Variants in EPHA7 observed in about 807,000 individuals in gnomAD.
EPHA7 encodes the protein EPH receptor A7.
Under a neutral mutation model 112.6 loss-of-function variants are expected in EPHA7, and 25 were observed. The observed-to-expected ratio is 0.22, with a 90% CI of 0.16 to 0.31. The LOEUF is 0.31. EPHA7 is among the 10% of genes least tolerant of loss of function. The pLI is 1.00. For synonymous variants in EPHA7, 437 were observed against 406.5 expected, an observed-to-expected ratio of 1.07 and a Z score of -0.90; for missense variants, 962 against 1,212.6, an observed-to-expected ratio of 0.79 and a Z score of 3.07.
chr6:93,414,675 G>C (rs1779138794), intron 2 of EPHA7, 28 bp downstream of exon 2: 1 of 1,555,782 alleles, frequency 6.4e-7, no homozygotes, highest in South Asian at 1.1e-5. Flanking sequence ...TTTTAAAAAA[G>C]TGATATTTTA....
rs546849727 is a variant in EPHA7, at chr6:93,273,693, T to C, written c.1325-1271A>G. On this transcript the variant is annotated intron_variant, in intron 5 of 16. Coordinates refer to ENST00000369303, the MANE Select transcript of EPHA7 (RefSeq NM_004440.4). ...GCTGAAGTACTCAACAAACTGTGTTTACAGTCTAAATGCATTTCTGATATA... is the reference window on the plus strand; with the variant it reads ...GCTGAAGTACTCAACAAACTGTGTTCACAGTCTAAATGCATTTCTGATATA... Among the ~76,000 whole-genome samples, 31 of 152,098 alleles carry C rather than the reference T, an allele frequency of 2.0e-4. No homozygotes were observed. In the South Asian group the frequency reaches 3.1e-3, roughly 15 times the overall value.
intron 5 of EPHA7, among the ~76,000 whole-genome samples, chr6:93,342,231 T>A (rs1402654680): frequency 6.6e-6 from 1 of 151,880 alleles, no homozygotes. Flanking sequence ...TTTCCTCTTT[T>A]TAAAACTCTG....
chr6:93,342,445 T>C (rs1486443808), intron 5 of EPHA7, among the ~76,000 whole-genome samples: 1 of 151,934 alleles, frequency 6.6e-6, no homozygotes, highest in South Asian at 2.1e-4. Context: ...GCTCATACTA[T>C]AATGGAGATT....
chr6:93,296,452 TAA>T (rs1445699499), intron 5 of EPHA7, among the ~76,000 whole-genome samples: 3 of 136,150 alleles, frequency 2.2e-5, no homozygotes, highest in Non-Finnish European at 4.6e-5. Context: ...AATATATATA[TAA>T]ATATATATAT....
chr6:93,318,469 G>T (rs2127878965), intron 5 of EPHA7, among the ~76,000 whole-genome samples: 1 of 152,072 alleles, frequency 6.6e-6, no homozygotes, highest in Non-Finnish European at 1.5e-5. Flanking sequence ...CATGAGAAAT[G>T]AGAAAAAGAC....
At chr6:93,362,128 G>C (rs902727785) in intron 3 of EPHA7, among the ~76,000 whole-genome samples, 4 of 151,810 alleles carry the variant, frequency 2.6e-5, no homozygotes, top group African/African-American at 9.7e-5. Context: ...AATAAAATAA[G>C]CTCATTATCC....
Position 93,255,922 on chromosome 6 carries a change from T to C in EPHA7, c.2288A>G (p.Asn763Ser), listed in dbSNP as rs1472053844. ...GYVHRDLAAR[N>S]ILVNSNLVCK... is the part of the protein sequence containing the mutation. ...AACGAGATTGCTGTTGACAAGAATATTGCGAGCTGCAAGGTCCCTGTGAAC... is the reference window on the plus strand; with the variant it reads ...AACGAGATTGCTGTTGACAAGAATACTGCGAGCTGCAAGGTCCCTGTGAAC... Residue 763 changes from asparagine (N) to serine (S), a missense_variant, in exon 13 of 17, where the codon AAT (asparagine) becomes AGT (serine). By Grantham distance (46) the Asn-to-Ser change is conservative. Transcript: ENST00000369303. The C allele has an allele frequency of 1.2e-6, 2 of 1,614,068 alleles. No individual in the cohort carries two copies. The highest frequency in any genetic ancestry group is 2.2e-5 in the East Asian group (1 of 44,858).
chr6:93,312,843 C>A (rs931611435), intron 5 of EPHA7, among the ~76,000 whole-genome samples: 32 of 152,074 alleles, frequency 2.1e-4, no homozygotes, highest in Non-Finnish European at 3.1e-4. Context: ...TATTAAATGG[C>A]TTAATTTTAA....
rs1315047244 is a variant in EPHA7, at chr6:93,269,508, T to A, written c.1602A>T (p.Thr534=). Residue 534 remains threonine, a synonymous_variant, in exon 7 of 17, where the codon ACA becomes ACT. Transcript: ENST00000369303. The part of the protein sequence containing the change: ...GNYSPRLDVA[T]LEEATGKMFE... ...ACATTTTACCTGTAGCTTCCTCTAGTGTAGCAACATCAAGTCTGGGACTGT... is the reference window on the plus strand; with the variant it reads ...ACATTTTACCTGTAGCTTCCTCTAGAGTAGCAACATCAAGTCTGGGACTGT... 1.9e-6 allele frequency: 3 copies of A among 1,611,182 alleles called. No individual in the cohort carries two copies. In the East Asian group the frequency reaches 6.7e-5, roughly 36 times the overall value.
intron 3 of EPHA7, among the ~76,000 whole-genome samples, chr6:93,375,021 C>G (rs1776983041): frequency 2.0e-5 from 3 of 151,902 alleles, no homozygotes; most frequent in African/African-American, 7.3e-5. Flanking sequence ...TTATATAAAC[C>G]ATGTAACTAA....
chr6:93,332,570 T>A (rs1293582350), intron 5 of EPHA7, among the ~76,000 whole-genome samples: 1 of 151,750 alleles, frequency 6.6e-6, no homozygotes. Context: ...GTAATATATA[T>A]GTGCATGACA....
chr6:93,291,515 T>G (rs1772363849), intron 5 of EPHA7, among the ~76,000 whole-genome samples: 1 of 151,906 alleles, frequency 6.6e-6, no homozygotes, highest in Non-Finnish European at 1.5e-5. Context: ...ACGCCTGTAA[T>G]CCCAGCACTT....
At chr6:93,390,241 TA>T (rs1211494658) in intron 3 of EPHA7, among the ~76,000 whole-genome samples, 34 of 125,162 alleles carry the variant, frequency 2.7e-4, no homozygotes, top group South Asian at 2.4e-4. Flanking sequence ...ATCAGTACAG[TA>T]AAAAAAAAAG....
chr6:93,352,748 CA>C (rs1485409995), intron 5 of EPHA7, among the ~76,000 whole-genome samples: 3 of 152,006 alleles, frequency 2.0e-5, no homozygotes, highest in African/African-American at 7.2e-5. Context: ...TGGAATACTA[CA>C]CAGCCACAAA....
intron 3 of EPHA7, among the ~76,000 whole-genome samples, chr6:93,369,871 T>C (rs535719001): frequency 2.0e-5 from 3 of 152,290 alleles, no homozygotes; most frequent in Non-Finnish European, 4.4e-5. Flanking sequence ...GTTAATTCAC[T>C]GACACCACTT....
intron 5 of EPHA7, among the ~76,000 whole-genome samples, chr6:93,314,956 G>C (rs553327405): frequency 7.1e-6 from 1 of 140,004 alleles, no homozygotes; most frequent in South Asian, 2.2e-4. Flanking sequence ...TCCGCCTCCC[G>C]GGTTCACGCC....
intron 2 of EPHA7, among the ~76,000 whole-genome samples, chr6:93,414,378 A>C (rs1779121777): frequency 6.6e-6 from 1 of 151,938 alleles, no homozygotes; most frequent in South Asian, 2.1e-4. Flanking sequence ...ATATAAAGCA[A>C]CTAAAGAGGT....
intron 5 of EPHA7, among the ~76,000 whole-genome samples, chr6:93,289,838 C>G (rs1339540575): frequency 6.6e-6 from 1 of 152,048 alleles, no homozygotes; most frequent in Non-Finnish European, 1.5e-5. Flanking sequence ...CAAAGCCCAT[C>G]AAAATGATAG....
At chr6:93,372,701 T>C (rs1776860967) in intron 3 of EPHA7, among the ~76,000 whole-genome samples, 1 of 152,098 alleles carries the variant, frequency 6.6e-6, no homozygotes, top group Admixed American at 6.5e-5. Context: ...ATGGCATAGG[T>C]TGTCCAAACT....
Sources: gnomAD v4.1 joint callset for allele counts (sites outside exome capture counted in the v4.1 genomes callset) on GRCh38, gnomAD v4.1.1 for gene constraint, MANE v1.5 for transcripts, NCBI Gene and HGNC (gene_info 2026-07-23, HGNC 2026-07-21) for gene names.